The following LHX9 variants were observed in gnomAD, a reference collection of about 807,000 sequenced individuals.
LHX9 encodes the protein LIM homeobox 9.
A neutral mutation model predicts 36.5 loss-of-function variants in LHX9; 9 were observed. The observed-to-expected ratio is 0.25, with a 90% confidence interval of 0.15 to 0.43. The LOEUF is 0.43. LHX9 is among the 20% of genes least tolerant of loss of function. LHX9 has a pLI of 1.00. For synonymous variants in LHX9, 211 were observed against 212.1 expected (o/e 0.99, Z 0.04); for missense variants, 464 against 526.4 (o/e 0.88, Z 1.16).
intron 1 of LHX9, chr1:197,918,703 C>A (rs768519598): frequency 7.1e-6 from 2 of 281,170 alleles, no homozygotes; most frequent in Non-Finnish European, 1.3e-5. Flanking sequence ...TAATCAACCA[C>A]CACTGTTTCT....
Position 197,920,090 on chromosome 1 carries a change from GC to G in LHX9, c.294del (p.Cys99ValfsTer58). 6.2e-7 allele frequency: 1 copy of G among 1,614,258 alleles called. No individual in the cohort carries two copies. The highest frequency in any genetic ancestry group is 8.5e-7 in the Non-Finnish European group (1 of 1,180,046). On this transcript the variant is annotated frameshift_variant, in exon 2 of 5. Transcript: ENST00000367387. LOFTEE classifies it high-confidence loss of function. ...DKQWHLRCLKCCECKLALESE... is the reference protein window; with the variant it reads ...DKQWHLRCLKXCECKLALESE... ...CAGTGGCATCTGAGATGCCTGAAGTGCTGTGAATGTAAGCTGGCCCTCGAGT... is the reference window on the plus strand; with the variant it reads ...CAGTGGCATCTGAGATGCCTGAAGTGTGTGAATGTAAGCTGGCCCTCGAGT...
Position 197,921,528 on chromosome 1 carries a change from A to G in LHX9, c.602A>G (p.Tyr201Cys). The G allele has an allele frequency of 2.5e-6, 4 of 1,614,100 alleles. No homozygotes were observed. The highest frequency in any genetic ancestry group is 3.4e-6 in the Non-Finnish European group (4 of 1,180,028). ...LQGEYPPQLS[Y>C]TELAAKSGGL... Reference sequence around the variant, plus strand: ...GGAGAGTATCCACCGCAGCTGAGCTACACGGAGCTGGCGGCCAAGAGCGGC... The same window carrying G: ...GGAGAGTATCCACCGCAGCTGAGCTGCACGGAGCTGGCGGCCAAGAGCGGC... Residue 201 changes from tyrosine (Y) to cysteine (C), a missense_variant, in exon 3 of 5, where the codon TAC (tyrosine) becomes TGC (cysteine). By Grantham distance (194) the Tyr-to-Cys change is radical. Coordinates refer to ENST00000367387, the MANE Select transcript of LHX9 (RefSeq NM_020204.3). The surrounding 1 kb of genome is among the most constrained non-coding windows in gnomAD (Gnocchi z 4.6).
upstream of LHX9, chr1:197,912,958 C>T (rs1007870883): frequency 1.6e-5 from 4 of 257,678 alleles, no homozygotes; most frequent in African/African-American, 6.8e-5. Context: ...CTGTTTCTCA[C>T]ACGTGTAGGG....
In LHX9 at chr1:197,920,155, T is replaced by C; in HGVS notation, c.358T>C (p.Cys120Arg). Residue 120 changes from cysteine to arginine, a missense_variant, in exon 2 of 5, where the codon TGC becomes CGC. By Grantham distance (180) the Cys-to-Arg change is radical. Coordinates refer to ENST00000367387, the MANE Select transcript of LHX9 (RefSeq NM_020204.3). ...TCFAKDGSIYCKEDYYRRFSV... is the reference protein window; with the variant it reads ...TCFAKDGSIYRKEDYYRRFSV... Reference sequence around the variant, plus strand: ...CTTTGCCAAGGACGGTAGCATTTACTGCAAGGAGGATTACTACAGGTACTC... The same window carrying C: ...CTTTGCCAAGGACGGTAGCATTTACCGCAAGGAGGATTACTACAGGTACTC... 6.2e-7 allele frequency: 1 copy of C among 1,614,224 alleles called. No homozygotes were observed. Among genetic ancestry groups the C allele is most frequent in the Non-Finnish European group, 8.5e-7 (1 of 1,180,030 alleles).
chr1:197,912,588 G>C, upstream of LHX9: 1 of 1,612,752 alleles, frequency 6.2e-7, no homozygotes, highest in Admixed American at 1.7e-5. Context: ...TCCTTCTGAT[G>C]TTCTCTGCCC....
rs1007703127 is a variant in LHX9 at position 197,921,628 on chromosome 1, G to A, written c.702G>A (p.Ala234=). 16 of 1,597,074 alleles carry A rather than the reference G, an allele frequency of 1.0e-5. No homozygotes were observed. In the African/African-American group the frequency reaches 1.7e-4, roughly 17 times the overall value. The change falls in exon 3 of 5, where the codon GCG becomes GCA. Residue 234 remains alanine, a synonymous_variant. Coordinates refer to ENST00000367387, the MANE Select transcript of LHX9 (RefSeq NM_020204.3). The surrounding 1 kb of genome is among the most constrained non-coding windows in gnomAD (Gnocchi z 4.6). The part of the protein sequence containing the change: ...KGRPRKRKSP[A]LGVDIVNYNS... ...GGCCCCGGAAGCGGAAGAGCCCAGC[G>A]CTGGGAGTGGACATCGTCAATTACA...
rs1334778553 is a variant in LHX9, at chr1:197,929,949, T to C, written c.*690T>C. 1.0e-6 allele frequency: 1 copy of C among 983,934 alleles called. No individual in the cohort carries two copies. Among genetic ancestry groups the C allele is most frequent in the African/African-American group, 1.7e-5 (1 of 57,192 alleles). 61.0% of individuals were successfully genotyped at this position (983,934 alleles called of 1,614,324 possible). ...AAACTTTTTACTTGGTTATTTGTTTTTCAACATTTGAAAAATACTTAAGCT... is the reference window on the plus strand; with the variant it reads ...AAACTTTTTACTTGGTTATTTGTTTCTCAACATTTGAAAAATACTTAAGCT... On this transcript the variant is annotated 3_prime_UTR_variant, in exon 5 of 5. Coordinates refer to ENST00000367387, the MANE Select transcript of LHX9 (RefSeq NM_020204.3).
In LHX9 at chr1:197,932,841, A is replaced by G. The variant is rs1169853177; in HGVS notation, c.*3582A>G. ...GTGAACCCAAATTACAACAAAATAA[A>G]CCTTAGAATAAACTATTGTGTAAAA... is the stretch of plus-strand genomic sequence containing the variant. On this transcript the variant is annotated 3_prime_UTR_variant, in exon 5 of 5. Transcript: ENST00000367387. 4 of 152,092 alleles carry G rather than the reference A, an allele frequency of 2.6e-5. No homozygotes were observed. The highest frequency in any genetic ancestry group is 9.6e-5 in the African/African-American group (4 of 41,452). The allele number at this position is 152,092 out of a possible 1,614,324, so 9.4% of individuals were successfully genotyped here.
In LHX9 at chr1:197,929,734, A is replaced by AT; in HGVS notation, c.*481dup. ...GATTATGGAGTTTTGAAAACGTTAC[A>AT]TTTTTTAAATCTTAAAACTGAAAAC... On this transcript the variant is annotated 3_prime_UTR_variant, in exon 5 of 5. Transcript: ENST00000367387. 1.1e-6 allele frequency: 1 copy of AT among 946,772 alleles called. No individual in the cohort carries two copies. The highest frequency in any genetic ancestry group is 1.3e-6 in the Non-Finnish European group (1 of 794,600). 58.6% of individuals were successfully genotyped at this position (946,772 alleles called of 1,614,324 possible).
intron 3 of LHX9, 51 bp from the exon 4 acceptor site, chr1:197,927,540 T>C (rs1660179816): frequency 6.7e-7 from 1 of 1,487,710 alleles, no homozygotes. Flanking sequence ...TCATGTCAGC[T>C]AATGCAAGAA....
chr1:197,912,555 G>C, upstream of LHX9: 2 of 1,614,204 alleles, frequency 1.2e-6, no homozygotes, highest in Non-Finnish European at 1.7e-6. Context: ...CCACTCTAGA[G>C]GCAGGTGAGT....
chr1:197,926,099 T>C (rs1310770492), intron 3 of LHX9, among the ~76,000 whole-genome samples: 2 of 152,266 alleles, frequency 1.3e-5, no homozygotes, highest in African/African-American at 4.8e-5. Flanking sequence ...GAGTTTTATA[T>C]GTGGCTGCCT....
chr1:197,917,634 A>G lies in LHX9; in HGVS notation c.-190A>G, dbSNP rs990364411. 62 of 1,508,766 alleles carry G rather than the reference A, an allele frequency of 4.1e-5. No homozygotes were observed. Among genetic ancestry groups the G allele is most frequent in the South Asian group, 6.4e-5 (5 of 78,196 alleles). 93.5% of individuals were successfully genotyped at this position (1,508,766 alleles called of 1,614,324 possible). ...CAGGGAGCCGCTGAGGCTTCCCCCC[A>G]ACTCTTCCCAGTTCTTTTTGCTTCC... is the stretch of plus-strand genomic sequence containing the variant. On this transcript the variant is annotated 5_prime_UTR_variant, in exon 1 of 5. Coordinates refer to ENST00000367387, the MANE Select transcript of LHX9 (RefSeq NM_020204.3).
chr1:197,916,633 C>T, upstream of LHX9: 1 of 702,978 alleles, frequency 1.4e-6, no homozygotes, highest in Non-Finnish European at 2.6e-6. Context: ...CCCCTACACT[C>T]TAATTTTCTC....
At chr1:197,912,515 C>T (rs1272436459), upstream of LHX9, 1 of 1,614,168 alleles carries the variant, frequency 6.2e-7, no homozygotes, top group South Asian at 1.1e-5. Flanking sequence ...GCGTGATCCA[C>T]TCCTTTTCCT....
At position 197,929,998 on chromosome 1, in the gene LHX9, G is replaced by A. The variant is rs574755155; in HGVS notation, c.*739G>A. ...CTCCCTATGTATCCATGAAAATTCC[G>A]CATTGATTTTGACATTCCATACTTT... On this transcript the variant is annotated 3_prime_UTR_variant, in exon 5 of 5. Transcript: ENST00000367387. The A allele has an allele frequency of 1.0e-4, 103 of 983,788 alleles. No homozygotes were observed. The African/African-American group carries it at 1.7e-3, about 17-fold the overall frequency. 60.9% of individuals were successfully genotyped at this position (983,788 alleles called of 1,614,324 possible).
chr1:197,931,270 C>T lies in LHX9; in HGVS notation c.*2011C>T, dbSNP rs1012202695. 1 of 152,034 alleles carries T rather than the reference C, an allele frequency of 6.6e-6. No individual in the cohort carries two copies. The highest frequency in any genetic ancestry group is 1.5e-5 in the Non-Finnish European group (1 of 67,870). 9.4% of individuals were successfully genotyped at this position (152,034 alleles called of 1,614,324 possible). On this transcript the variant is annotated 3_prime_UTR_variant, in exon 5 of 5. Transcript: ENST00000367387. Reference sequence around the variant, plus strand: ...ATGTCATAGAAAGCAGTTGTGCACTCTTTCAAATATAGTTGATAAATTCAA... The same window carrying T: ...ATGTCATAGAAAGCAGTTGTGCACTTTTTCAAATATAGTTGATAAATTCAA...
At chr1:197,922,508 C>T (rs1211658482) in intron 3 of LHX9, among the ~76,000 whole-genome samples, 1 of 152,182 alleles carries the variant, frequency 6.6e-6, no homozygotes, top group Non-Finnish European at 1.5e-5. Flanking sequence ...TTGTTGGTAG[C>T]CTGCCCCCAC....
intron 1 of LHX9, among the ~76,000 whole-genome samples, chr1:197,919,032 T>C (rs1659882624): frequency 6.6e-6 from 1 of 152,234 alleles, no homozygotes; most frequent in Non-Finnish European, 1.5e-5. Context: ...ACTTTACTTT[T>C]TCAGGCCCGC....
Sources: gnomAD v4.1 joint callset for allele counts (sites outside exome capture counted in the v4.1 genomes callset) on GRCh38, gnomAD v4.1.1 for gene constraint, Gnocchi (gnomAD v3.1) non-coding constraint, MANE v1.5 for transcripts, NCBI Gene and HGNC (gene_info 2026-07-23, HGNC 2026-07-21) for gene names.